FOXP1: variants seen among roughly 807,000 people sequenced by gnomAD.
FOXP1 encodes forkhead box P1.
In FOXP1, 15 loss-of-function variants were observed where a neutral mutation model predicts 98.2. The ratio of observed to expected loss-of-function variants is 0.15; its 90% CI spans 0.10 to 0.24. FOXP1 has a LOEUF of 0.24. FOXP1 is among the 10% of genes least tolerant of loss of function. The pLI is 1.00. For synonymous variants in FOXP1, 371 were observed against 314.5 expected (o/e 1.18, Z -1.90); for missense variants, 633 against 848.5 (o/e 0.75, Z 3.15).
chr3:71,141,527 T>C (rs1034567348), intron 6 of FOXP1, among the ~76,000 whole-genome samples: 1 of 152,168 alleles, frequency 6.6e-6, no homozygotes, highest in African/African-American at 2.4e-5. Context: ...CAGGCAACCT[T>C]TCAAAACAAA....
At chr3:71,127,417 A>C (rs1238233098) in intron 6 of FOXP1, among the ~76,000 whole-genome samples, 2 of 152,258 alleles carry the variant, frequency 1.3e-5, no homozygotes, top group Non-Finnish European at 2.9e-5. Context: ...ACAAAACAAA[A>C]ATCAGAAGTT....
chr3:71,207,882 G>C (rs1488782584), intron 5 of FOXP1, among the ~76,000 whole-genome samples: 1 of 152,128 alleles, frequency 6.6e-6, no homozygotes, highest in Admixed American at 6.5e-5. Flanking sequence ...CACCAAACTA[G>C]ATAAAGAGCC....
intron 6 of FOXP1, among the ~76,000 whole-genome samples, chr3:71,166,713 T>C (rs565480111): frequency 6.6e-6 from 1 of 152,138 alleles, no homozygotes; most frequent in Admixed American, 6.5e-5. Flanking sequence ...TGCTGCAAAA[T>C]AAACTACTTT....
chr3:71,173,110 CT>C (rs1158092876), intron 6 of FOXP1, among the ~76,000 whole-genome samples: 1 of 151,906 alleles, frequency 6.6e-6, no homozygotes, highest in African/African-American at 2.4e-5. Flanking sequence ...TGAGAGATTG[CT>C]TTTTTTTCCC....
chr3:71,467,133 T>C (rs1453225647), intron 3 of FOXP1, among the ~76,000 whole-genome samples: 1 of 152,222 alleles, frequency 6.6e-6, no homozygotes, highest in African/African-American at 2.4e-5. Context: ...TGTGTGTGTA[T>C]GTATGTGTAT....
At chr3:71,476,150 G>A (rs1378077712) in intron 3 of FOXP1, among the ~76,000 whole-genome samples, 2 of 152,182 alleles carry the variant, frequency 1.3e-5, no homozygotes, top group Non-Finnish European at 2.9e-5. Flanking sequence ...TCCACACAAT[G>A]GAAATGACTG....
chr3:71,211,222 T>G (rs1194983473), intron 5 of FOXP1, among the ~76,000 whole-genome samples: 1 of 152,208 alleles, frequency 6.6e-6, no homozygotes, highest in African/African-American at 2.4e-5. Flanking sequence ...ATTTTTATTT[T>G]TGAGATGGGA....
intron 2 of FOXP1, among the ~76,000 whole-genome samples, chr3:71,561,377 G>A (rs2099311): frequency 0.035 from 4,275 of 120,832 alleles, 209 homozygotes; most frequent in African/African-American, 0.13. Flanking sequence ...GTGAGTTTAT[G>A]TATATGAATT....
intron 19 of FOXP1, among the ~76,000 whole-genome samples, chr3:70,967,700 G>GTTGT (rs2035202316): frequency 4.7e-5 from 3 of 63,628 alleles, no homozygotes; most frequent in Non-Finnish European, 9.4e-5. Flanking sequence ...TTTTTTTTTT[G>GTTGT]TTTTTTTTTG....
chr3:71,096,674 T>C (rs1575662245), intron 7 of FOXP1, among the ~76,000 whole-genome samples: 1 of 152,348 alleles, frequency 6.6e-6, no homozygotes, highest in African/African-American at 2.4e-5. Flanking sequence ...ACTGTAGATC[T>C]ATATAACCAG....
intron 7 of FOXP1, among the ~76,000 whole-genome samples, chr3:71,108,213 T>C (rs1469360016): frequency 6.6e-6 from 1 of 152,236 alleles, no homozygotes; most frequent in Non-Finnish European, 1.5e-5. Flanking sequence ...CTTACTTTCT[T>C]AGGAGAAAAT....
chr3:71,001,165 G>A, intron 12 of FOXP1, 106 bp from the exon 13 acceptor site: 1 of 792,600 alleles, frequency 1.3e-6, no homozygotes, highest in East Asian at 2.7e-5. Context: ...CTAGCTCCCA[G>A]GAGATAGTAG....
At chr3:70,959,790 G>A (rs1215564445) in intron 20 of FOXP1, among the ~76,000 whole-genome samples, 1 of 152,058 alleles carries the variant, frequency 6.6e-6, no homozygotes, top group Non-Finnish European at 1.5e-5. Context: ...TCACCTGTGG[G>A]CCTTGTTGAA....
At chr3:71,285,274 T>C (rs1183983693) in intron 5 of FOXP1, among the ~76,000 whole-genome samples, 1 of 152,222 alleles carries the variant, frequency 6.6e-6, no homozygotes, top group Non-Finnish European at 1.5e-5. Flanking sequence ...AGGCAGTCAT[T>C]TGTATGAATC....
chr3:71,175,656 C>T (rs563822115), intron 6 of FOXP1, among the ~76,000 whole-genome samples: 2 of 152,204 alleles, frequency 1.3e-5, no homozygotes, highest in South Asian at 2.1e-4. Context: ...TCACGGACTC[C>T]GGGTAATCAG....
intron 7 of FOXP1, among the ~76,000 whole-genome samples, chr3:71,089,385 A>T (rs914623052): frequency 6.6e-6 from 1 of 152,084 alleles, no homozygotes; most frequent in East Asian, 1.9e-4. Flanking sequence ...CCTAGCCCCA[A>T]TCATGCCCCA....
chr3:71,262,529 G>GA (rs566343099), intron 5 of FOXP1, among the ~76,000 whole-genome samples: 33 of 146,482 alleles, frequency 2.3e-4, no homozygotes, highest in Admixed American at 6.1e-4. Flanking sequence ...CCCTTTAAAA[G>GA]AAAAAAAAAA....
chr3:71,377,748 G>A (rs543133860), intron 3 of FOXP1, among the ~76,000 whole-genome samples: 8 of 152,172 alleles, frequency 5.3e-5, no homozygotes, highest in Non-Finnish European at 5.9e-5. Flanking sequence ...GTTTTAAGAA[G>A]CTGTTTTGAA....
chr3:71,270,850 A>C (rs2070278245), intron 5 of FOXP1, among the ~76,000 whole-genome samples: 1 of 151,696 alleles, frequency 6.6e-6, no homozygotes, highest in African/African-American at 2.4e-5. Context: ...ACAAGGGGGG[A>C]AATCAATTAT....
Sources: allele counts gnomAD v4.1 joint callset (sites outside exome capture counted in the v4.1 genomes callset), GRCh38; gene constraint gnomAD v4.1.1; transcripts MANE v1.5; gene names NCBI Gene and HGNC (gene_info 2026-07-23, HGNC 2026-07-21).